Variants in SCAMP1 observed in about 807,000 individuals in gnomAD.
SCAMP1 encodes the protein secretory carrier-associated membrane protein 1.
SCAMP1 carries 15 observed loss-of-function variants against 41.8 expected under a neutral mutation model. The ratio of observed to expected loss-of-function variants is 0.36; its 90% CI spans 0.24 to 0.55. The LOEUF (loss-of-function observed/expected upper bound fraction) is 0.55. SCAMP1 is among the 20% of genes least tolerant of loss of function. The pLI, the probability that SCAMP1 is intolerant of heterozygous loss-of-function variation, is 0.86. For missense variants in SCAMP1, 341 were observed against 412.6 expected, an observed-to-expected ratio of 0.83 and a Z score of 1.50; for synonymous variants, 135 against 136.8, an observed-to-expected ratio of 0.99 and a Z score of 0.09.
At chr5:78,452,846 C>T (rs1172500225) in intron 7 of SCAMP1, among the ~76,000 whole-genome samples, 4 of 147,758 alleles carry the variant, frequency 2.7e-5, no homozygotes, top group East Asian at 2.0e-4. Context: ...CTCTCCAGCA[C>T]CTGTTGTTTC....
chr5:78,441,184 C>T (rs1033625737), intron 6 of SCAMP1, among the ~76,000 whole-genome samples: 11 of 152,208 alleles, frequency 7.2e-5, no homozygotes, highest in African/African-American at 9.7e-5. Context: ...TGCCCTGCTT[C>T]GGCTCACCCT....
At position 78,449,994 on chromosome 5, in the gene SCAMP1, C is replaced by A; in HGVS notation, c.694C>A (p.His232Asn). The A allele has an allele frequency of 6.3e-7, 1 of 1,580,850 alleles. No homozygotes were observed. Among genetic ancestry groups the A allele is most frequent in the Non-Finnish European group, 8.6e-7 (1 of 1,165,934 alleles). Residue 232 changes from histidine (H) to asparagine (N), a missense_variant, in exon 7 of 9, where the codon CAT becomes AAT. By Grantham distance (68) the His-to-Asn change is moderately conservative (BLOSUM62 1). Transcript: ENST00000621999. ...FFVYICQFAVHVLQAAGFHNW... is the reference protein window; with the variant it reads ...FFVYICQFAVNVLQAAGFHNW... ...CGTCTATATTTGTCAGTTTGCTGTA[C>A]ATGTACTCCAAGCTGCAGGATTTCA... is the stretch of plus-strand genomic sequence containing the variant.
chr5:78,452,362 C>T (rs1201890396), intron 7 of SCAMP1, among the ~76,000 whole-genome samples: 1 of 136,062 alleles, frequency 7.3e-6, no homozygotes, highest in Admixed American at 7.6e-5. Context: ...CGACAGTCCC[C>T]AGAGTGTGAT....
intron 1 of SCAMP1, among the ~76,000 whole-genome samples, chr5:78,387,124 C>G (rs4352584): frequency 0.19 from 28,380 of 152,058 alleles, 3,274 homozygotes; most frequent in Admixed American, 0.34. Flanking sequence ...TAATCCCAAA[C>G]TTGTTGGAGA....
At chr5:78,416,457 G>A in intron 3 of SCAMP1, 84 bp from the exon 4 acceptor site, 2 of 958,112 alleles carry the variant, frequency 2.1e-6, no homozygotes, top group Non-Finnish European at 3.1e-6. Context: ...TTCTCTCATA[G>A]TAGAGAAGTA....
At chr5:78,411,807 G>A (rs1395124787) in intron 2 of SCAMP1, among the ~76,000 whole-genome samples, 2 of 151,962 alleles carry the variant, frequency 1.3e-5, no homozygotes, top group African/African-American at 2.4e-5. Flanking sequence ...TAGTACATAG[G>A]GTATAAATAC....
chr5:78,403,950 C>CAAAAAAAAAAAAAA (rs61249151), intron 2 of SCAMP1, among the ~76,000 whole-genome samples: 1 of 49,346 alleles, frequency 2.0e-5, no homozygotes, highest in Non-Finnish European at 3.4e-5. Flanking sequence ...GACTCTGTCT[C>CAAAAAAAAAAAAAA]AAAAAAAAAA....
chr5:78,383,934 T>G (rs981639616), intron 1 of SCAMP1, among the ~76,000 whole-genome samples: 106 of 152,322 alleles, frequency 7.0e-4, no homozygotes, highest in Middle Eastern at 6.8e-3. Context: ...TGGTTCCATA[T>G]GAATTTCAGG....
rs1231842838 is a variant in SCAMP1, at chr5:78,477,950, A to G, written c.*2282A>G. Reference sequence around the variant, plus strand: ...TTAGTACTAAAATCACAGTCATGAAATCATAGTCATAAAATGGTCTTCACA... The same window carrying G: ...TTAGTACTAAAATCACAGTCATGAAGTCATAGTCATAAAATGGTCTTCACA... On this transcript the variant is annotated 3_prime_UTR_variant, in exon 9 of 9. Transcript: ENST00000621999. 6.6e-6 allele frequency: 1 copy of G among 152,184 alleles called. No homozygotes were observed. Among genetic ancestry groups the G allele is most frequent in the East Asian group, 1.9e-4 (1 of 5,202 alleles). The allele number at this position is 152,184 out of a possible 1,614,324, so 9.4% of individuals were successfully genotyped here. A position where few individuals can be genotyped will look rare whatever the true frequency, so the allele number is the denominator to read the frequency against.
At chr5:78,472,152 T>C (rs901405943) in intron 8 of SCAMP1, among the ~76,000 whole-genome samples, 4 of 152,140 alleles carry the variant, frequency 2.6e-5, no homozygotes, top group African/African-American at 9.7e-5. Flanking sequence ...ATAAAAAGGC[T>C]GTGCAACTTG....
At chr5:78,367,687 A>G (rs1173178512) in intron 1 of SCAMP1, among the ~76,000 whole-genome samples, 2 of 152,342 alleles carry the variant, frequency 1.3e-5, no homozygotes, top group Middle Eastern at 3.4e-3. Context: ...AGACAGACCT[A>G]TGATCTGAAG....
chr5:78,429,536 T>G (rs1752548886), intron 6 of SCAMP1, among the ~76,000 whole-genome samples: 1 of 152,034 alleles, frequency 6.6e-6, no homozygotes, highest in South Asian at 2.1e-4. Context: ...TTTGGTCATT[T>G]TGAGTTCCTT....
At chr5:78,370,203 G>A (rs1012459236) in intron 1 of SCAMP1, among the ~76,000 whole-genome samples, 4 of 152,186 alleles carry the variant, frequency 2.6e-5, no homozygotes, top group Non-Finnish European at 4.4e-5. Flanking sequence ...CTTGCCAAAA[G>A]GGTGATAGAG....
At chr5:78,388,199 C>G (rs909555515) in intron 1 of SCAMP1, among the ~76,000 whole-genome samples, 1 of 152,176 alleles carries the variant, frequency 6.6e-6, no homozygotes. Flanking sequence ...AGTATTGCCT[C>G]CTATCTGCCA....
intron 4 of SCAMP1, among the ~76,000 whole-genome samples, chr5:78,417,952 A>G (rs1031605638): frequency 2.3e-4 from 35 of 152,216 alleles, no homozygotes; most frequent in Non-Finnish European, 3.2e-4. Flanking sequence ...ACTGTGGGAT[A>G]TAACATCTAA....
In SCAMP1 at chr5:78,448,320, T is replaced by C. The variant is rs546521528; in HGVS notation, c.633-1613T>C. Among the ~76,000 whole-genome samples the C allele has an allele frequency of 5.6e-5, 8 of 144,040 alleles. No individual in the cohort carries two copies. The South Asian group carries it at 1.1e-3, about 19-fold the overall frequency. The allele number at this position is 144,040 out of a possible 152,430, so 94.5% of individuals were successfully genotyped here. A position where few individuals can be genotyped will look rare whatever the true frequency, so the allele number is the denominator to read the frequency against. On this transcript the variant is annotated intron_variant, in intron 6 of 8. Transcript: ENST00000621999. ...AGCTGAGATTACAGGTGTGAACCAT[T>C]ACACCAGCTCCCAAAAGACACTCTT...
At chr5:78,370,628 T>A (rs912834526) in intron 1 of SCAMP1, 39 of 152,226 alleles carry the variant, frequency 2.6e-4, no homozygotes, top group Admixed American at 2.5e-3. Flanking sequence ...AGATAATGTG[T>A]CTATAAACAT....
intron 7 of SCAMP1, among the ~76,000 whole-genome samples, chr5:78,455,359 A>G (rs200604486): frequency 0.77 from 83,754 of 108,096 alleles, 34,029 homozygotes; most frequent in African/African-American, 0.86. Context: ...CTTTGAATGC[A>G]TCCCAGAGAT....
intron 1 of SCAMP1, among the ~76,000 whole-genome samples, chr5:78,369,452 G>A (rs1290814825): frequency 6.6e-6 from 1 of 152,094 alleles, no homozygotes; most frequent in Admixed American, 6.5e-5. Flanking sequence ...TTATGGGCAT[G>A]GTTTGTGGCA....
Sources: gnomAD v4.1 joint callset for allele counts (sites outside exome capture counted in the v4.1 genomes callset) on GRCh38, gnomAD v4.1.1 for gene constraint, MANE v1.5 for transcripts, NCBI Gene and HGNC (gene_info 2026-07-23, HGNC 2026-07-21) for gene names.